NSD2: variants seen among roughly 807,000 people sequenced by gnomAD.
The protein encoded by NSD2 is histone-lysine N-methyltransferase NSD2.
NSD2 carries 12 observed loss-of-function variants against 139.0 expected under a neutral mutation model. The ratio of observed to expected loss-of-function variants is 0.09; its 90% CI spans 0.06 to 0.14. The LOEUF (loss-of-function observed/expected upper bound fraction) is 0.14, where lower values mean the gene tolerates loss of function less well. Ranked by LOEUF, NSD2 falls within the 10% of genes least tolerant of loss-of-function variation. The pLI is 1.00. For missense variants in NSD2, 1,155 were observed against 1,745.0 expected, an observed-to-expected ratio of 0.66 and a Z score of 6.02; for synonymous variants, 669 against 648.7, an observed-to-expected ratio of 1.03 and a Z score of -0.48.
intron 1 of NSD2, among the ~76,000 whole-genome samples, chr4:1,896,086 G>C (rs1330387543): frequency 6.6e-6 from 1 of 152,248 alleles, no homozygotes; most frequent in Non-Finnish European, 1.5e-5. Context: ...TCTTGGCCGG[G>C]GTCCCACAGT....
Position 1,922,764 on chromosome 4 carries a change from A to G in NSD2, c.1410+4141A>G, listed in dbSNP as rs180917404. On this transcript the variant is annotated intron_variant, in intron 5 of 21. Coordinates refer to ENST00000508803, the MANE Select transcript of NSD2 (RefSeq NM_001042424.3). Reference sequence around the variant, plus strand: ...AACATGATGAAACCTTATCTCTACTAAAAATATAGAAATTAGTTGGGCATG... The same window carrying G: ...AACATGATGAAACCTTATCTCTACTGAAAATATAGAAATTAGTTGGGCATG... Among the ~76,000 whole-genome samples, 4 of 152,306 alleles carry G rather than the reference A, an allele frequency of 2.6e-5. No homozygotes were observed. In the East Asian group the frequency reaches 7.7e-4, roughly 29 times the overall value.
Position 1,908,608 on chromosome 4 carries a change from G to A in NSD2, c.760+4230G>A, listed in dbSNP as rs535588630. 5.9e-5 allele frequency among the ~76,000 whole-genome samples: 9 copies of A among 152,250 alleles called. No homozygotes were observed. In the South Asian group the frequency reaches 1.5e-3, roughly 25 times the overall value. The stretch of plus-strand genomic sequence containing the variant: ...GTGAGCAGAACAAAGAGAAGTGAGG[G>A]AAGGACAGAGTGCTAGTCAGACCAC... On this transcript the variant is annotated intron_variant, in intron 3 of 21. Transcript: ENST00000508803.
chr4:1,875,668 C>T (rs568858629), intron 1 of NSD2, among the ~76,000 whole-genome samples: 3 of 151,956 alleles, frequency 2.0e-5, no homozygotes, highest in East Asian at 1.9e-4. Context: ...TTTGGGAGGC[C>T]GAGGCGGTTG....
intron 5 of NSD2, among the ~76,000 whole-genome samples, chr4:1,926,722 C>T (rs1044901364): frequency 9.2e-5 from 14 of 152,166 alleles, no homozygotes; most frequent in Non-Finnish European, 1.8e-4. Flanking sequence ...CTGCCCACCT[C>T]GGCCTCCCTA....
At chr4:1,879,824 T>TTGTGTGTGTG (rs140755867) in intron 1 of NSD2, among the ~76,000 whole-genome samples, 186 of 144,158 alleles carry the variant, frequency 1.3e-3, no homozygotes, top group African/African-American at 4.5e-3. Context: ...CCCATGGCAC[T>TTGTGTGTGTG]TGTGTGTGTG....
chr4:1,971,554 A>G (rs1726481226), intron 18 of NSD2, among the ~76,000 whole-genome samples: 1 of 152,192 alleles, frequency 6.6e-6, no homozygotes, highest in South Asian at 2.1e-4. Context: ...ATAGAAATAA[A>G]TAAATCTCTT....
rs1719643706 is a variant in NSD2, at chr4:1,918,121, G to A, written c.928-20G>A. ...ATGTTTGTGTAGTGAAACTTACAGTGTCTCTTTTTTTTTTCCCAGCTATTG... is the reference window on the plus strand; with the variant it reads ...ATGTTTGTGTAGTGAAACTTACAGTATCTCTTTTTTTTTTCCCAGCTATTG... On this transcript the variant is annotated intron_variant, in intron 4 of 21. Coordinates refer to ENST00000508803, the MANE Select transcript of NSD2 (RefSeq NM_001042424.3). 1 of 1,598,624 alleles carries A rather than the reference G, an allele frequency of 6.3e-7. No homozygotes were observed. The highest frequency in any genetic ancestry group is 1.1e-5 in the South Asian group (1 of 88,494).
chr4:1,941,787 T>C, intron 9 of NSD2: 1 of 1,050,292 alleles, frequency 9.5e-7, no homozygotes, highest in East Asian at 5.5e-5. Flanking sequence ...AATTATGCTG[T>C]TAAAACTACT....
chr4:1,907,399 G>A (rs1363853323), intron 3 of NSD2, among the ~76,000 whole-genome samples: 1 of 152,068 alleles, frequency 6.6e-6, no homozygotes, highest in Non-Finnish European at 1.5e-5. Context: ...CTGTTTTTAA[G>A]TGTTTTCATG....
chr4:1,874,105 A>C (rs531054419), intron 1 of NSD2, among the ~76,000 whole-genome samples: 33 of 152,400 alleles, frequency 2.2e-4, no homozygotes, highest in African/African-American at 7.9e-4. Context: ...AACAGAAGCC[A>C]TAAGGCTTTT....
chr4:1,937,433 T>C (rs1722532112), intron 7 of NSD2, among the ~76,000 whole-genome samples: 1 of 152,220 alleles, frequency 6.6e-6, no homozygotes, highest in South Asian at 2.1e-4. Flanking sequence ...GTAAATGTTA[T>C]ACCTAAAAAA....
intron 1 of NSD2, among the ~76,000 whole-genome samples, chr4:1,873,935 T>C (rs1056546934): frequency 4.6e-5 from 7 of 152,204 alleles, no homozygotes; most frequent in Admixed American, 1.3e-4. Flanking sequence ...GCAATCATGG[T>C]GCACTTCAGT....
At chr4:1,945,806 G>A (rs1723568619) in intron 9 of NSD2, 1 of 1,064,320 alleles carries the variant, frequency 9.4e-7, no homozygotes, top group Middle Eastern at 4.1e-4. Context: ...TAAAGCCACG[G>A]ATTCCCCTCG....
chr4:1,977,876 A>G (rs749851649), intron 21 of NSD2, among the ~76,000 whole-genome samples: 7 of 151,910 alleles, frequency 4.6e-5, no homozygotes, highest in Non-Finnish European at 7.4e-5. Flanking sequence ...CTCTAATCCC[A>G]GCACTTCTGA....
At chr4:1,886,606 C>T (rs2108687593) in intron 1 of NSD2, among the ~76,000 whole-genome samples, 1 of 152,214 alleles carries the variant, frequency 6.6e-6, no homozygotes, top group Admixed American at 6.5e-5. Context: ...CCGAGGCGGG[C>T]AGATCACAAG....
rs1727654181 is a variant in NSD2 at position 1,980,543 on chromosome 4, GCA to G, written c.*1635_*1636del. ...CATCTTTTATGCCTTGGTAAAAACTGCAGTGTCTTTGGACCTGAGAGTGGCTA... is the reference window on the plus strand; with the variant it reads ...CATCTTTTATGCCTTGGTAAAAACTGGTGTCTTTGGACCTGAGAGTGGCTA... On this transcript the variant is annotated 3_prime_UTR_variant, in exon 22 of 22. Coordinates refer to ENST00000508803, the MANE Select transcript of NSD2 (RefSeq NM_001042424.3). 1 of 233,108 alleles carries G rather than the reference GCA, an allele frequency of 4.3e-6. No individual in the cohort carries two copies. The highest frequency in any genetic ancestry group is 8.5e-6 in the Non-Finnish European group (1 of 118,006). The allele number at this position is 233,108 out of a possible 1,614,324, so 14.4% of individuals were successfully genotyped here. A position where few individuals can be genotyped will look rare whatever the true frequency, so the allele number is the denominator to read the frequency against.
chr4:1,879,465 C>T (rs893843649), intron 1 of NSD2, among the ~76,000 whole-genome samples: 73 of 152,234 alleles, frequency 4.8e-4, no homozygotes, highest in African/African-American at 1.7e-3. Flanking sequence ...GTGATCCGCC[C>T]GCCTCGGCCT....
At chr4:1,936,114 C>T (rs1020631171) in intron 7 of NSD2, among the ~76,000 whole-genome samples, 2 of 152,202 alleles carry the variant, frequency 1.3e-5, no homozygotes, top group African/African-American at 4.8e-5. Context: ...AAGCCAGCCC[C>T]GGGTCCTTGT....
intron 1 of NSD2, among the ~76,000 whole-genome samples, chr4:1,882,128 G>T (rs1714749936): frequency 6.6e-6 from 1 of 152,190 alleles, no homozygotes; most frequent in Non-Finnish European, 1.5e-5. Context: ...GGAAGAGTGT[G>T]TACAGAAGCC....
Sources: allele counts gnomAD v4.1 joint callset (sites outside exome capture counted in the v4.1 genomes callset), GRCh38; gene constraint gnomAD v4.1.1; transcripts MANE v1.5; gene names NCBI Gene and HGNC (gene_info 2026-07-23, HGNC 2026-07-21).